Variants in BOD1L1 observed in about 807,000 individuals in gnomAD.
The protein encoded by BOD1L1 is biorientation of chromosomes in cell division protein 1-like 1.
A neutral mutation model predicts 240.7 loss-of-function variants in BOD1L1; 86 were observed. The observed-to-expected ratio is 0.36, with a 90% CI of 0.30 to 0.43. The LOEUF (loss-of-function observed/expected upper bound fraction) is 0.43, where lower values mean the gene tolerates loss of function less well. Among genes scored for constraint, BOD1L1 ranks in the 20% least tolerant of loss-of-function variants. The pLI is 1.00. For synonymous variants in BOD1L1, 1,268 were observed against 1,272.3 expected, an observed-to-expected ratio of 1.00 and a Z score of 0.07; for missense variants, 3,554 against 3,643.5, an observed-to-expected ratio of 0.98 and a Z score of 0.63.
chr4:13,619,369 C>T (rs995137202), intron 2 of BOD1L1, among the ~76,000 whole-genome samples: 9 of 149,972 alleles, frequency 6.0e-5, no homozygotes, highest in African/African-American at 9.8e-5. Flanking sequence ...TCCAAATATT[C>T]GAGTTCTTAT....
chr4:13,621,866 CTTTTTT>C (rs144306218), intron 1 of BOD1L1, among the ~76,000 whole-genome samples: 3 of 108,956 alleles, frequency 2.8e-5, no homozygotes, highest in Non-Finnish European at 1.9e-5. Flanking sequence ...AAAATTAATT[CTTTTTT>C]TTTTTTTTTT....
intron 22 of BOD1L1, among the ~76,000 whole-genome samples, chr4:13,578,352 C>T (rs1268573617): frequency 6.6e-6 from 1 of 152,132 alleles, no homozygotes; most frequent in East Asian, 1.9e-4. Context: ...TCTGATGATC[C>T]AAAATTTAAA....
In BOD1L1 at chr4:13,614,706, T is replaced by C. The variant is rs767687233; in HGVS notation, c.664A>G (p.Thr222Ala). ...CTGGTCTTGGCATTTGATGTTTCTG[T>C]TGAAGCCCTAGCAGCACTGGCTTCT... is the stretch of plus-strand genomic sequence containing the variant. ...NQEASAARAS[T>A]ETSNAKTSER... is the part of the protein sequence containing the mutation. Residue 222 changes from threonine (T) to alanine (A), a missense_variant, in exon 4 of 26, where the codon ACA (threonine) becomes GCA (alanine). Thr to Ala is a moderately conservative substitution (Grantham distance 58). This residue lies in a region of BOD1L1 where 3,393 missense variants were observed against 3,427.1 expected (regional missense o/e 0.99). Coordinates refer to ENST00000040738, the MANE Select transcript of BOD1L1 (RefSeq NM_148894.3). 1.2e-6 allele frequency: 2 copies of C among 1,613,868 alleles called. No homozygotes were observed. The highest frequency in any genetic ancestry group is 1.1e-5 in the South Asian group (1 of 91,096).
Position 13,599,475 on chromosome 4 carries a change from G to T in BOD1L1, c.7425C>A (p.Ser2475Arg). 1 of 1,613,950 alleles carries T rather than the reference G, an allele frequency of 6.2e-7. No individual in the cohort carries two copies. The highest frequency in any genetic ancestry group is 8.5e-7 in the Non-Finnish European group (1 of 1,179,870). Residue 2475 changes from serine (S) to arginine (R), a missense_variant, in exon 10 of 26, where the codon AGC becomes AGA. Ser to Arg is a moderately radical substitution (Grantham distance 110). This residue lies in a region of BOD1L1 where 3,393 missense variants were observed against 3,427.1 expected (regional missense o/e 0.99). Coordinates refer to ENST00000040738, the MANE Select transcript of BOD1L1 (RefSeq NM_148894.3). ...LLNSLQKEDK[S>R]PETGTAGGSS... is the part of the protein sequence containing the mutation. ...TGCCCCCTGCTGTCCCTGTCTCTGG[G>T]CTCTTATCTTCTTTCTGAAGGGAGT...
At position 13,602,819 on chromosome 4, in the gene BOD1L1, T is replaced by C; in HGVS notation, c.4081A>G (p.Thr1361Ala). 6.2e-7 allele frequency: 1 copy of C among 1,614,024 alleles called. No homozygotes were observed. Among genetic ancestry groups the C allele is most frequent in the Non-Finnish European group, 8.5e-7 (1 of 1,179,876 alleles). The change falls in exon 10 of 26, where the codon ACT becomes GCT. Residue 1361 changes from threonine (T) to alanine (A), a missense_variant. Transcript: ENST00000040738. ...GCTTCTGGAATGTGTCTTTTGCTAG[T>C]GATGCTTGCTTTTGCTGGTGTATCT... ...TVDTPAKASITSKRHIPEAHQ... is the reference protein window; with the variant it reads ...TVDTPAKASIASKRHIPEAHQ...
chr4:13,617,947 C>T (rs1489059950), intron 2 of BOD1L1, among the ~76,000 whole-genome samples: 1 of 152,200 alleles, frequency 6.6e-6, no homozygotes, highest in Non-Finnish European at 1.5e-5. Flanking sequence ...AGGCAGCTGT[C>T]TTCCCTCTTT....
At chr4:13,616,192 G>A (rs1485894940) in intron 2 of BOD1L1, among the ~76,000 whole-genome samples, 1 of 152,216 alleles carries the variant, frequency 6.6e-6, no homozygotes, top group African/African-American at 2.4e-5. Context: ...GGATGGGGAT[G>A]TAGACACAAA....
chr4:13,613,618 G>C lies in BOD1L1; in HGVS notation c.1218C>G (p.Ile406Met). ...CACTGGTATGAACAGAGCTAACTGT[G>C]ATGTCTGTAAGTCCATCCACATCAG... ...IDSDVDGLTDITVSSVHTSDL... is the reference protein window; with the variant it reads ...IDSDVDGLTDMTVSSVHTSDL... The change falls in exon 5 of 26, where the codon ATC (isoleucine) becomes ATG (methionine). Residue 406 changes from isoleucine to methionine, a missense_variant. Ile to Met is a conservative substitution (Grantham distance 10). Coordinates refer to ENST00000040738, the MANE Select transcript of BOD1L1 (RefSeq NM_148894.3). The surrounding 1 kb of genome is among the most constrained non-coding windows in gnomAD (Gnocchi z 4.0). 1.9e-6 allele frequency: 3 copies of C among 1,604,512 alleles called. No homozygotes were observed. Among genetic ancestry groups the C allele is most frequent in the Non-Finnish European group, 2.6e-6 (3 of 1,173,662 alleles).
intron 5 of BOD1L1, among the ~76,000 whole-genome samples, chr4:13,612,330 A>T (rs893892452): frequency 2.6e-5 from 4 of 152,226 alleles, no homozygotes; most frequent in Admixed American, 2.0e-4. Flanking sequence ...ATAAAACTCA[A>T]TATTTTTATT....
chr4:13,597,051 T>C (rs1714676274), intron 11 of BOD1L1, 53 bp downstream of exon 11: 2 of 1,371,734 alleles, frequency 1.5e-6, no homozygotes, highest in East Asian at 4.9e-5. Flanking sequence ...GTATATGTGA[T>C]GAAACAGTAT....
intron 10 of BOD1L1, among the ~76,000 whole-genome samples, 195 bp from the exon 11 acceptor site, chr4:13,597,363 C>T (rs1714711711): frequency 6.6e-6 from 1 of 152,138 alleles, no homozygotes; most frequent in African/African-American, 2.4e-5. Flanking sequence ...GGATTATTTG[C>T]TCATTTTGGG....
chr4:13,581,284 A>G, intron 19 of BOD1L1, 77 bp from the exon 20 acceptor site: 1 of 1,091,734 alleles, frequency 9.2e-7, no homozygotes, highest in Non-Finnish European at 1.3e-6. Context: ...TTTCTCAAAA[A>G]TCAGATTTAG....
At chr4:13,589,504 C>A (rs1033903161) in intron 14 of BOD1L1, among the ~76,000 whole-genome samples, 4 of 152,172 alleles carry the variant, frequency 2.6e-5, no homozygotes, top group Admixed American at 2.6e-4. Context: ...TAGAACGCTG[C>A]TGAATGAGCA....
At position 13,604,563 on chromosome 4, in the gene BOD1L1, T is replaced by G; in HGVS notation, c.2337A>C (p.Thr779=). 1 of 1,558,194 alleles carries G rather than the reference T, an allele frequency of 6.4e-7. No homozygotes were observed. Among genetic ancestry groups the G allele is most frequent in the Non-Finnish European group, 8.6e-7 (1 of 1,160,884 alleles). Residue 779 remains threonine (T), a synonymous_variant, in exon 10 of 26, where the codon ACA becomes ACC. Transcript: ENST00000040738. ...EENIQKQSQQ[T]KLSSDDKTER... ...CGGTTTTATCATCTGAAGAAAGCTT[T>G]GTTTGTTGACTTTGCTTTTGAATAT...
intron 2 of BOD1L1, among the ~76,000 whole-genome samples, chr4:13,617,056 C>T (rs991413355): frequency 2.0e-5 from 3 of 151,982 alleles, no homozygotes; most frequent in African/African-American, 7.2e-5. Context: ...ACCATCCTGG[C>T]CAACATGGTG....
At chr4:13,572,160 G>A (rs1712262628) in intron 25 of BOD1L1, among the ~76,000 whole-genome samples, 2 of 152,196 alleles carry the variant, frequency 1.3e-5, no homozygotes. Flanking sequence ...AGTGCAGCAA[G>A]AAGAGATGAA....
intron 22 of BOD1L1, among the ~76,000 whole-genome samples, chr4:13,578,577 T>C (rs1712969427): frequency 6.6e-6 from 1 of 152,228 alleles, no homozygotes; most frequent in African/African-American, 2.4e-5. Flanking sequence ...AGACAGGGTC[T>C]TGCTCTGTTG....
chr4:13,590,550 A>G, intron 13 of BOD1L1, 104 bp from the exon 14 acceptor site: 1 of 532,940 alleles, frequency 1.9e-6, no homozygotes, highest in Non-Finnish European at 3.3e-6. Flanking sequence ...TATTTGTACA[A>G]ATGCCAAAAG....
intron 17 of BOD1L1, among the ~76,000 whole-genome samples, chr4:13,585,380 T>C (rs1713586381): frequency 6.6e-6 from 1 of 151,984 alleles, no homozygotes; most frequent in Non-Finnish European, 1.5e-5. Context: ...AAATATAAAT[T>C]AGAGAAAGAG....
Sources: gnomAD v4.1 joint callset for allele counts (sites outside exome capture counted in the v4.1 genomes callset) on GRCh38, gnomAD v4.1.1 for gene constraint, gnomAD v4.1.1 regional missense constraint, Gnocchi (gnomAD v3.1) non-coding constraint, MANE v1.5 for transcripts, NCBI Gene and HGNC (gene_info 2026-07-23, HGNC 2026-07-21) for gene names.